Variants in MRAP2 observed in about 807,000 individuals in gnomAD.
MRAP2 encodes the protein melanocortin 2 receptor accessory protein 2.
In MRAP2, 20 loss-of-function variants were observed where a neutral mutation model predicts 17.4. The observed-to-expected ratio is 1.15, with a 90% CI of 0.81 to 1.67. The LOEUF (loss-of-function observed/expected upper bound fraction) is 1.67. MRAP2 is among the 40% of genes most tolerant of loss of function. The probability of loss-of-function intolerance (pLI) is 0.00; values close to 1 mark genes in which losing one functional copy is unlikely to be tolerated. For synonymous variants in MRAP2, 96 were observed against 88.4 expected (o/e 1.09, Z -0.48); for missense variants, 238 against 240.0 (o/e 0.99, Z 0.05).
chr6:84,133,180 T>C, the MRAP2 span, among the ~76,000 whole-genome samples: 2 of 152,182 alleles, frequency 1.3e-5, no homozygotes, highest in African/African-American at 4.8e-5. Context: ...ACAGCAAATA[T>C]TGCAGAACAG....
the MRAP2 span, among the ~76,000 whole-genome samples, chr6:84,099,181 C>CTTTTTT: frequency 6.1e-4 from 71 of 117,234 alleles, no homozygotes; most frequent in Non-Finnish European, 8.6e-4. Flanking sequence ...AGATCCTTTT[C>CTTTTTT]TTTTTTTTTT....
chr6:84,104,235 C>A, the MRAP2 span, among the ~76,000 whole-genome samples: 1 of 152,290 alleles, frequency 6.6e-6, no homozygotes, highest in African/African-American at 2.4e-5. Context: ...TGCAGGGCAC[C>A]AAGTCCCTAG....
At chr6:84,144,496 T>C in the MRAP2 span, among the ~76,000 whole-genome samples, 4 of 152,254 alleles carry the variant, frequency 2.6e-5, no homozygotes, top group Non-Finnish European at 4.4e-5. Flanking sequence ...AGATAGTTAA[T>C]TGTTTTACTG....
intron 3 of MRAP2, among the ~76,000 whole-genome samples, chr6:84,080,733 C>T (rs2099498759): frequency 6.6e-6 from 1 of 152,130 alleles, no homozygotes; most frequent in Admixed American, 6.6e-5. Flanking sequence ...TAACAAGTAA[C>T]AGGTACAAAG....
At chr6:84,086,062 C>T (rs1394334424) in intron 3 of MRAP2, among the ~76,000 whole-genome samples, 1 of 152,202 alleles carries the variant, frequency 6.6e-6, no homozygotes, top group East Asian at 1.9e-4. Context: ...GCTTCAGGTT[C>T]CGCTTCTGGA....
intron 1 of MRAP2, among the ~76,000 whole-genome samples, chr6:84,049,475 A>C (rs1012846270): frequency 1.3e-5 from 2 of 152,034 alleles, no homozygotes; most frequent in Non-Finnish European, 2.9e-5. Flanking sequence ...AACAACAAAA[A>C]ACTTACTAGC....
chr6:84,064,028 G>C (rs962774200), intron 3 of MRAP2, among the ~76,000 whole-genome samples: 13 of 151,506 alleles, frequency 8.6e-5, no homozygotes, highest in African/African-American at 3.2e-4. Flanking sequence ...CTGGGCAACA[G>C]AGCCAGACTC....
intron 1 of MRAP2, among the ~76,000 whole-genome samples, chr6:84,049,957 C>T (rs766552039): frequency 4.8e-5 from 7 of 146,570 alleles, no homozygotes; most frequent in East Asian, 1.9e-4. Context: ...CATTTGAAAA[C>T]GAAGAGCCCA....
the MRAP2 span, among the ~76,000 whole-genome samples, chr6:84,112,454 CT>C: frequency 3.1e-4 from 47 of 152,132 alleles, 1 homozygote; most frequent in Admixed American, 6.5e-4. Flanking sequence ...GTGATATCCC[CT>C]TTATCATTTT....
At chr6:84,063,545 G>T (rs1366626142) in intron 3 of MRAP2, among the ~76,000 whole-genome samples, 1 of 152,196 alleles carries the variant, frequency 6.6e-6, no homozygotes, top group Non-Finnish European at 1.5e-5. Flanking sequence ...GACTTGTGAT[G>T]ATGCTGGACT....
At chr6:84,129,209 T>G in the MRAP2 span, among the ~76,000 whole-genome samples, 1 of 152,208 alleles carries the variant, frequency 6.6e-6, no homozygotes, top group Non-Finnish European at 1.5e-5. Context: ...ATATACCCAG[T>G]AATGGGATGG....
At chr6:84,106,475 G>A in the MRAP2 span, among the ~76,000 whole-genome samples, 1 of 152,176 alleles carries the variant, frequency 6.6e-6, no homozygotes, top group Non-Finnish European at 1.5e-5. Flanking sequence ...CTCAGGGTTG[G>A]TCTCTGCTGC....
chr6:84,042,710 A>G lies in MRAP2; in HGVS notation c.-8+8827A>G, dbSNP rs113000814. 6.4e-3 allele frequency among the ~76,000 whole-genome samples: 981 copies of G among 152,278 alleles called. 17 individuals carry two copies. The highest frequency in any genetic ancestry group is 0.022 in the African/African-American group (918 of 41,562). ...AGCCTGCACTGCCCTTGCACCCCAA[A>G]CTCTGGTTTGCTTGTAATTGATTGT... On this transcript the variant is annotated intron_variant, in intron 1 of 3. Transcript: ENST00000257776.
At position 84,047,366 on chromosome 6, in the gene MRAP2, T is replaced by C. The variant is rs577741910; in HGVS notation, c.-7-7946T>C. Among the ~76,000 whole-genome samples, 7 of 151,858 alleles carry C rather than the reference T, an allele frequency of 4.6e-5. No individual in the cohort carries two copies. The South Asian group carries it at 6.2e-4, about 14-fold the overall frequency. On this transcript the variant is annotated intron_variant, in intron 1 of 3. Transcript: ENST00000257776. ...CCACCATGCCCAGCTAATTTTTGTATTTTTAGTAGAGACGGGGTTTTGCCA... is the reference window on the plus strand; with the variant it reads ...CCACCATGCCCAGCTAATTTTTGTACTTTTAGTAGAGACGGGGTTTTGCCA...
At chr6:84,081,680 G>T (rs1242042885) in intron 3 of MRAP2, among the ~76,000 whole-genome samples, 3 of 152,182 alleles carry the variant, frequency 2.0e-5, no homozygotes, top group African/African-American at 7.2e-5. Flanking sequence ...TTAGCCGAGG[G>T]TGGTGACACA....
the MRAP2 span, among the ~76,000 whole-genome samples, chr6:84,144,438 C>A: frequency 6.6e-6 from 1 of 152,030 alleles, no homozygotes; most frequent in African/African-American, 2.4e-5. Flanking sequence ...TTATAATGAA[C>A]TCTCATCAGA....
the MRAP2 span, chr6:84,125,076 C>A: frequency 6.2e-7 from 1 of 1,610,736 alleles, no homozygotes; most frequent in Non-Finnish European, 8.5e-7. Context: ...TCTATTAATA[C>A]TCTGGTGCAT....
the MRAP2 span, among the ~76,000 whole-genome samples, chr6:84,130,831 A>G: frequency 2.0e-5 from 3 of 151,862 alleles, no homozygotes; most frequent in Admixed American, 1.3e-4. Context: ...TTTTTTTTGA[A>G]AGGTTTCTTG....
intron 3 of MRAP2, 101 bp from the exon 4 acceptor site, chr6:84,088,990 T>A: frequency 7.7e-7 from 1 of 1,306,916 alleles, no homozygotes; most frequent in Non-Finnish European, 1.0e-6. Flanking sequence ...CAATAGGTGC[T>A]TAGTGGAAAT....
Sources: allele counts gnomAD v4.1 joint callset (sites outside exome capture counted in the v4.1 genomes callset), GRCh38; gene constraint gnomAD v4.1.1; transcripts MANE v1.5; gene names NCBI Gene and HGNC (gene_info 2026-07-23, HGNC 2026-07-21).